CUL2: variants seen among roughly 807,000 people sequenced by gnomAD.
The protein encoded by CUL2 is cullin 2.
CUL2 carries 22 observed loss-of-function variants against 110.2 expected under a neutral mutation model. That is an observed-to-expected ratio of 0.20 (90% confidence interval 0.14 to 0.28). The LOEUF (loss-of-function observed/expected upper bound fraction) is 0.28, where lower values mean the gene tolerates loss of function less well. CUL2 is among the 10% of genes least tolerant of loss of function. The probability of loss-of-function intolerance (pLI) is 1.00; values close to 1 mark genes in which losing one functional copy is unlikely to be tolerated. For synonymous variants in CUL2, 279 were observed against 293.2 expected (o/e 0.95, Z 0.49); for missense variants, 631 against 905.5 (o/e 0.70, Z 3.89).
At chr10:35,088,229 G>A (rs1424519817) in intron 1 of CUL2, among the ~76,000 whole-genome samples, 2 of 152,162 alleles carry the variant, frequency 1.3e-5, no homozygotes, top group Non-Finnish European at 2.9e-5. Context: ...TAATGGGTTG[G>A]ACAGGTGTGG....
At position 35,009,629 on chromosome 10, in the gene CUL2, A is replaced by G. The variant is rs1470688963; in HGVS notation, c.*682T>C. On this transcript the variant is annotated 3_prime_UTR_variant, in exon 21 of 21. Coordinates refer to ENST00000374749, the MANE Select transcript of CUL2 (RefSeq NM_003591.4). Reference sequence around the variant, plus strand: ...TGATGGAATTACATCTTCAAGATTCAAAATGTTTAGATCCAATATATCTAA... The same window carrying G: ...TGATGGAATTACATCTTCAAGATTCGAAATGTTTAGATCCAATATATCTAA... The G allele has an allele frequency of 2.6e-5, 4 of 152,392 alleles. No individual in the cohort carries two copies. The East Asian group carries it at 7.7e-4, about 29-fold the overall frequency. 9.4% of individuals were successfully genotyped at this position (152,392 alleles called of 1,614,324 possible). A position where few individuals can be genotyped will look rare whatever the true frequency, so the allele number is the denominator to read the frequency against.
chr10:35,032,343 G>A, intron 12 of CUL2, 92 bp downstream of exon 12: 1 of 1,101,574 alleles, frequency 9.1e-7, no homozygotes, highest in South Asian at 1.4e-5. Flanking sequence ...TCTGAAAAAT[G>A]CTACAAAAAC....
At chr10:35,018,121 A>C (rs11010072) in intron 17 of CUL2, among the ~76,000 whole-genome samples, 1 of 62,892 alleles carries the variant, frequency 1.6e-5, no homozygotes, top group Non-Finnish European at 3.6e-5. Flanking sequence ...TACTAAAAAT[A>C]CAAAAAAAAA....
Position 35,110,864 on chromosome 10 carries a change from G to A in CUL2, c.-50-9804C>T, listed in dbSNP as rs182384823. ...TCATATCTTTAATGACCTAATCTCC[G>A]GATATGGTTACATTCTGAGGTACTA... On this transcript the variant is annotated intron_variant, in intron 1 of 5. Transcript: ENST00000685421. 1.2e-4 allele frequency among the ~76,000 whole-genome samples: 18 copies of A among 152,168 alleles called. No homozygotes were observed. In the East Asian group the frequency reaches 2.7e-3, roughly 23 times the overall value.
At chr10:35,099,950 A>C (rs2087354816) in intron 2 of CUL2, among the ~76,000 whole-genome samples, 1 of 151,986 alleles carries the variant, frequency 6.6e-6, no homozygotes, top group Admixed American at 6.6e-5. Flanking sequence ...TATACTAAGA[A>C]TTGTGTAGTG....
chr10:35,125,089 A>G (rs1478971950), intron 1 of CUL2, among the ~76,000 whole-genome samples: 1 of 152,208 alleles, frequency 6.6e-6, no homozygotes, highest in Non-Finnish European at 1.5e-5. Flanking sequence ...TTTTCTTCCC[A>G]TTTAAAAACC....
At chr10:35,050,026 T>C (rs960207158) in intron 5 of CUL2, among the ~76,000 whole-genome samples, 1 of 152,168 alleles carries the variant, frequency 6.6e-6, no homozygotes, top group Non-Finnish European at 1.5e-5. Flanking sequence ...TTGATTATTA[T>C]AAAACCTTAA....
At chr10:35,052,894 C>CAAA (rs1017728475) in intron 5 of CUL2, among the ~76,000 whole-genome samples, 1 of 68,824 alleles carries the variant, frequency 1.5e-5, no homozygotes, top group East Asian at 4.4e-4. Flanking sequence ...GACTCCGTCT[C>CAAA]AAAAAAAAAA....
At chr10:35,124,370 C>T (rs2087714064) in intron 1 of CUL2, among the ~76,000 whole-genome samples, 1 of 151,794 alleles carries the variant, frequency 6.6e-6, no homozygotes. Context: ...TTGCTTAAGC[C>T]CAGGAGTTCC....
chr10:35,035,893 TG>T (rs1311591853), intron 9 of CUL2, among the ~76,000 whole-genome samples: 1 of 152,258 alleles, frequency 6.6e-6, no homozygotes, highest in Non-Finnish European at 1.5e-5. Context: ...CCAAATGTTT[TG>T]ATCTCTAACA....
chr10:35,106,951 G>GTT lies in CUL2; in HGVS notation c.-50-5893_-50-5892dup, dbSNP rs111245197. 1.1e-3 allele frequency among the ~76,000 whole-genome samples: 167 copies of GTT among 150,462 alleles called. 1 individual carries two copies. Among genetic ancestry groups the GTT allele is most frequent in the Middle Eastern group, 3.5e-3 (1 of 288 alleles). ...ATTATGTCTGCATTGCCCTTAACCT[G>GTT]TTTTTTTTTGTTGTTTTTTTGTTTG... On this transcript the variant is annotated intron_variant, in intron 1 of 5. Transcript: ENST00000685421.
chr10:35,112,628 G>C (rs571063265), intron 1 of CUL2, among the ~76,000 whole-genome samples: 6 of 152,228 alleles, frequency 3.9e-5, no homozygotes, highest in Admixed American at 2.6e-4. Flanking sequence ...GCATGCACGA[G>C]AAGAACATGA....
intron 4 of CUL2, among the ~76,000 whole-genome samples, chr10:35,055,739 C>A (rs1161647667): frequency 6.7e-6 from 1 of 148,500 alleles, no homozygotes; most frequent in South Asian, 2.2e-4. Flanking sequence ...CAAGATCATA[C>A]TCTTTTTTTT....
chr10:35,067,648 G>A (rs2086568502), intron 2 of CUL2, among the ~76,000 whole-genome samples: 1 of 151,638 alleles, frequency 6.6e-6, no homozygotes, highest in South Asian at 2.1e-4. Context: ...GGAGGATGAG[G>A]CATGAGAATC....
At chr10:35,043,016 A>G (rs924182665) in intron 8 of CUL2, among the ~76,000 whole-genome samples, 1 of 151,948 alleles carries the variant, frequency 6.6e-6, no homozygotes, top group Non-Finnish European at 1.5e-5. Context: ...GGTGTGTGGG[A>G]GAAGAGAGCC....
chr10:35,068,750 T>C (rs921329908), intron 2 of CUL2, among the ~76,000 whole-genome samples: 22 of 152,356 alleles, frequency 1.4e-4, no homozygotes, highest in African/African-American at 5.3e-4. Flanking sequence ...ATTTACATTG[T>C]ATGGCCCTTA....
intron 16 of CUL2, among the ~76,000 whole-genome samples, chr10:35,025,530 CA>C (rs1406212528): frequency 6.6e-6 from 1 of 152,136 alleles, no homozygotes; most frequent in African/African-American, 2.4e-5. Flanking sequence ...TTCTACTAAC[CA>C]AACACAGCAA....
chr10:35,093,291 C>T (rs2135091049), upstream of CUL2, among the ~76,000 whole-genome samples: 1 of 152,090 alleles, frequency 6.6e-6, no homozygotes, highest in East Asian at 1.9e-4. Flanking sequence ...TACTGCAATA[C>T]CTTGGTCTCG....
intron 1 of CUL2, among the ~76,000 whole-genome samples, chr10:35,125,836 TTTTTTA>T (rs1332528457): frequency 6.6e-6 from 1 of 152,192 alleles, no homozygotes; most frequent in African/African-American, 2.4e-5. Context: ...TCCCATTACT[TTTTTTA>T]TTTTTGAGAT....
Sources: allele counts gnomAD v4.1 joint callset (sites outside exome capture counted in the v4.1 genomes callset), GRCh38; gene constraint gnomAD v4.1.1; transcripts MANE v1.5; gene names NCBI Gene and HGNC (gene_info 2026-07-23, HGNC 2026-07-21).